Variants in CDH13 observed in about 807,000 individuals in gnomAD.
The protein encoded by CDH13 is cadherin 13, also known as cadherin-13.
Under a neutral mutation model 63.8 loss-of-function variants are expected in CDH13, and 24 were observed. The observed-to-expected ratio is 0.38, with a 90% CI of 0.27 to 0.53. CDH13 has a LOEUF of 0.53. Among genes scored for constraint, CDH13 ranks in the 20% least tolerant of loss-of-function variants. The pLI is 0.85. For missense variants in CDH13, 1,049 were observed against 903.1 expected (o/e 1.16, Z -2.07); for synonymous variants, 503 against 355.3 (o/e 1.42, Z -4.67).
intron 6 of CDH13, among the ~76,000 whole-genome samples, chr16:83,461,840 A>T (rs1250500407): frequency 6.6e-6 from 1 of 152,190 alleles, no homozygotes; most frequent in Non-Finnish European, 1.5e-5. Context: ...TTTCCAGAAG[A>T]TCGATTCTGG....
intron 7 of CDH13, among the ~76,000 whole-genome samples, chr16:83,586,470 C>T (rs1043806460): frequency 9.2e-5 from 14 of 152,220 alleles, no homozygotes; most frequent in African/African-American, 3.1e-4. Context: ...AAGAAGAGCA[C>T]ACTTGTCTTT....
chr16:83,764,713 C>G (rs1914246783), intron 11 of CDH13, among the ~76,000 whole-genome samples: 1 of 142,428 alleles, frequency 7.0e-6, no homozygotes, highest in Non-Finnish European at 1.5e-5. Context: ...CTGAAGTCAG[C>G]CCTTTACTCT....
At chr16:82,700,035 A>G (rs2030791202) in intron 1 of CDH13, among the ~76,000 whole-genome samples, 1 of 152,104 alleles carries the variant, frequency 6.6e-6, no homozygotes, top group Non-Finnish European at 1.5e-5. Flanking sequence ...TTCGCCTGTT[A>G]CAGAAGTTTG....
intron 1 of CDH13, among the ~76,000 whole-genome samples, chr16:82,845,188 G>T (rs1379607409): frequency 1.3e-5 from 2 of 152,102 alleles, no homozygotes; most frequent in East Asian, 1.9e-4. Context: ...GACAGCCAGG[G>T]GCCAGTGCAC....
chr16:82,758,433 C>G (rs986200718), intron 1 of CDH13, among the ~76,000 whole-genome samples: 2 of 152,054 alleles, frequency 1.3e-5, no homozygotes, highest in African/African-American at 2.4e-5. Flanking sequence ...GATACCCCCC[C>G]CCCTTTGCTT....
intron 1 of CDH13, among the ~76,000 whole-genome samples, chr16:82,713,329 G>T (rs764374304): frequency 7.9e-5 from 12 of 152,044 alleles, no homozygotes; most frequent in Non-Finnish European, 1.5e-4. Flanking sequence ...GAACCACTGC[G>T]CTCAGAACTA....
intron 6 of CDH13, among the ~76,000 whole-genome samples, chr16:83,420,698 A>G (rs1402736189): frequency 6.6e-6 from 1 of 152,232 alleles, no homozygotes; most frequent in Non-Finnish European, 1.5e-5. Context: ...GTCCCACTAT[A>G]GGCCATCTGC....
chr16:83,025,697 T>A (rs2151462526), intron 2 of CDH13, among the ~76,000 whole-genome samples: 1 of 152,258 alleles, frequency 6.6e-6, no homozygotes, highest in South Asian at 2.1e-4. Flanking sequence ...GAAAAGGGCT[T>A]AGAAACCTAC....
At chr16:83,511,934 A>G (rs2074575691) in intron 7 of CDH13, among the ~76,000 whole-genome samples, 1 of 152,150 alleles carries the variant, frequency 6.6e-6, no homozygotes, top group Non-Finnish European at 1.5e-5. Flanking sequence ...AAAAGCAATC[A>G]CTGCATGGGG....
At chr16:83,673,308 A>G (rs1914676949) in intron 9 of CDH13, among the ~76,000 whole-genome samples, 1 of 152,238 alleles carries the variant, frequency 6.6e-6, no homozygotes, top group South Asian at 2.1e-4. Context: ...TCTCTTGCCA[A>G]CATGGATATC....
intron 6 of CDH13, among the ~76,000 whole-genome samples, chr16:83,483,045 C>T (rs1416351137): frequency 6.6e-6 from 1 of 152,158 alleles, no homozygotes; most frequent in Non-Finnish European, 1.5e-5. Flanking sequence ...CCATGAAATC[C>T]TCACAACAAC....
At chr16:83,732,079 G>A (rs1911093533) in intron 10 of CDH13, among the ~76,000 whole-genome samples, 1 of 152,182 alleles carries the variant, frequency 6.6e-6, no homozygotes, top group Admixed American at 6.5e-5. Flanking sequence ...TGTGAGCCGG[G>A]TCCTAACTAG....
intron 11 of CDH13, among the ~76,000 whole-genome samples, chr16:83,757,436 G>T (rs1247786636): frequency 6.6e-6 from 1 of 152,130 alleles, no homozygotes; most frequent in African/African-American, 2.4e-5. Flanking sequence ...AGATTAGCTG[G>T]ATACAGTGGC....
intron 1 of CDH13, among the ~76,000 whole-genome samples, chr16:82,783,770 T>A (rs967339867): frequency 1.3e-5 from 2 of 152,134 alleles, no homozygotes; most frequent in Non-Finnish European, 2.9e-5. Flanking sequence ...GTAGAATTAC[T>A]AGGGCAGTAT....
intron 1 of CDH13, among the ~76,000 whole-genome samples, chr16:82,796,117 A>T (rs1455416633): frequency 6.6e-6 from 1 of 152,084 alleles, no homozygotes; most frequent in Non-Finnish European, 1.5e-5. Context: ...AGCAGGTGAT[A>T]AGGTCTCTGT....
chr16:83,419,150 T>C (rs1456214169), intron 6 of CDH13, among the ~76,000 whole-genome samples: 3 of 152,172 alleles, frequency 2.0e-5, no homozygotes, highest in African/African-American at 7.2e-5. Flanking sequence ...ATGCTGCTGC[T>C]TGCTTTTCAT....
intron 2 of CDH13, among the ~76,000 whole-genome samples, chr16:83,023,302 C>CCA (rs1407284347): frequency 1.3e-5 from 2 of 151,950 alleles, no homozygotes. Flanking sequence ...TTTTCACTAC[C>CCA]CCCCGACTCC....
chr16:83,194,330 C>T (rs533760999), intron 4 of CDH13, among the ~76,000 whole-genome samples: 62 of 152,278 alleles, frequency 4.1e-4, no homozygotes, highest in African/African-American at 1.3e-3. Flanking sequence ...CTGTTAGCAG[C>T]GCAGATCCAG....
chr16:83,421,127 C>T lies in CDH13; in HGVS notation c.782-65350C>T, dbSNP rs117006995. 4.5e-4 allele frequency among the ~76,000 whole-genome samples: 69 copies of T among 152,194 alleles called. 1 individual carries two copies. The East Asian group carries it at 0.012, about 26-fold the overall frequency. On this transcript the variant is annotated intron_variant, in intron 6 of 13. Transcript: ENST00000567109. ...ATGAGAACAAGGGCTACATCTAGAACCTAGGAGGAACACTCATATTCCAGT... is the reference window on the plus strand; with the variant it reads ...ATGAGAACAAGGGCTACATCTAGAATCTAGGAGGAACACTCATATTCCAGT...
Sources: allele counts gnomAD v4.1 joint callset (sites outside exome capture counted in the v4.1 genomes callset), GRCh38; gene constraint gnomAD v4.1.1; transcripts MANE v1.5; gene names NCBI Gene and HGNC (gene_info 2026-07-23, HGNC 2026-07-21).